PARM1: variants seen among roughly 807,000 people sequenced by gnomAD.
The protein encoded by PARM1 is WSC4, cell wall integrity and stress response component 4 homolog.
PARM1 carries 14 observed loss-of-function variants against 24.6 expected under a neutral mutation model. That is an observed-to-expected ratio of 0.57 (90% CI 0.38 to 0.89). The LOEUF is 0.89. Ranked by LOEUF, PARM1 falls within the 40% of genes least tolerant of loss-of-function variation. The pLI, the probability that PARM1 is intolerant of heterozygous loss-of-function variation, is 0.00. For missense variants in PARM1, 362 were observed against 380.4 expected (o/e 0.95, Z 0.40); for synonymous variants, 179 against 156.6 (o/e 1.14, Z -1.07).
At chr4:75,020,009 CAAAAAAAAAAAAAAAA>C (rs1161399344) in intron 2 of PARM1, among the ~76,000 whole-genome samples, 4 of 31,046 alleles carry the variant, frequency 1.3e-4, no homozygotes, top group Non-Finnish European at 3.4e-4. Context: ...GACTCCGTCT[CAAAAAAAAAAAAAAAA>C]AAAAAAAAAA....
At chr4:74,958,017 C>T (rs1476993196) in intron 1 of PARM1, among the ~76,000 whole-genome samples, 1 of 152,168 alleles carries the variant, frequency 6.6e-6, no homozygotes, top group East Asian at 1.9e-4. Flanking sequence ...TGGCAGACTA[C>T]TCATAGAGAG....
intron 1 of PARM1, among the ~76,000 whole-genome samples, chr4:74,949,400 G>A (rs1377466197): frequency 6.6e-6 from 1 of 152,096 alleles, no homozygotes; most frequent in African/African-American, 2.4e-5. Flanking sequence ...CTCACTGCAA[G>A]CTCCGCCTCC....
chr4:74,994,083 G>C (rs1030878016), intron 1 of PARM1: 1 of 152,126 alleles, frequency 6.6e-6, no homozygotes, highest in Non-Finnish European at 1.5e-5. Context: ...AATTAAAGTG[G>C]AGTACAGTAG....
At chr4:74,982,846 T>C (rs1052038332) in intron 1 of PARM1, among the ~76,000 whole-genome samples, 11 of 152,236 alleles carry the variant, frequency 7.2e-5, no homozygotes, top group Admixed American at 5.9e-4. Flanking sequence ...TCTTTTTATA[T>C]GCAAAATCAT....
chr4:74,996,313 C>A (rs1408322170), intron 1 of PARM1, among the ~76,000 whole-genome samples: 1 of 152,150 alleles, frequency 6.6e-6, no homozygotes, highest in Non-Finnish European at 1.5e-5. Context: ...CAACAATTAG[C>A]ATGGTACCTG....
At chr4:74,986,522 G>A (rs1722358259) in intron 1 of PARM1, among the ~76,000 whole-genome samples, 1 of 152,186 alleles carries the variant, frequency 6.6e-6, no homozygotes, top group African/African-American at 2.4e-5. Context: ...AGAAACAGGT[G>A]CAGAGAGGCA....
chr4:74,977,607 T>C (rs1481838517), intron 1 of PARM1, among the ~76,000 whole-genome samples: 1 of 152,108 alleles, frequency 6.6e-6, no homozygotes, highest in African/African-American at 2.4e-5. Flanking sequence ...ATCCTGGAAA[T>C]TCAGAGAACC....
intron 1 of PARM1, among the ~76,000 whole-genome samples, chr4:74,972,727 A>G (rs1269046779): frequency 2.0e-5 from 3 of 152,230 alleles, no homozygotes; most frequent in Non-Finnish European, 4.4e-5. Context: ...AAGTAACATA[A>G]GCTCAATCTG....
At chr4:75,032,459 G>A (rs1216505264) in intron 2 of PARM1, among the ~76,000 whole-genome samples, 3 of 152,034 alleles carry the variant, frequency 2.0e-5, no homozygotes, top group Non-Finnish European at 4.4e-5. Flanking sequence ...CATACCAGCA[G>A]ACAAAAATAA....
intron 2 of PARM1, among the ~76,000 whole-genome samples, chr4:75,031,315 T>C (rs1055558614): frequency 1.3e-5 from 2 of 152,236 alleles, no homozygotes; most frequent in Non-Finnish European, 2.9e-5. Context: ...TATTGGGCTG[T>C]ACAAACTCTT....
intron 1 of PARM1, among the ~76,000 whole-genome samples, chr4:74,965,977 C>T (rs1365784696): frequency 5.3e-5 from 8 of 152,220 alleles, no homozygotes; most frequent in Admixed American, 4.6e-4. Context: ...TAATAGCCAT[C>T]TACCAATGTT....
chr4:74,950,985 G>A (rs1459759593), intron 1 of PARM1, among the ~76,000 whole-genome samples: 2 of 152,162 alleles, frequency 1.3e-5, no homozygotes, highest in African/African-American at 4.8e-5. Flanking sequence ...GGGAGGAAAT[G>A]CCATCACACA....
chr4:75,040,783 A>G (rs1234279638), intron 3 of PARM1, among the ~76,000 whole-genome samples: 1 of 152,156 alleles, frequency 6.6e-6, no homozygotes, highest in African/African-American at 2.4e-5. Context: ...ATTTTTTTTA[A>G]ATTATGACTC....
intron 3 of PARM1, among the ~76,000 whole-genome samples, chr4:75,042,064 T>C (rs1207959185): frequency 1.3e-5 from 2 of 152,208 alleles, no homozygotes; most frequent in Non-Finnish European, 2.9e-5. Context: ...ATGTTTTCAT[T>C]TTTCCAATTA....
At chr4:75,006,176 G>A (rs1287623502) in intron 1 of PARM1, among the ~76,000 whole-genome samples, 1 of 152,100 alleles carries the variant, frequency 6.6e-6, no homozygotes, top group Non-Finnish European at 1.5e-5. Context: ...AAGTTGTAGG[G>A]TACATGTGCA....
intron 1 of PARM1, among the ~76,000 whole-genome samples, chr4:74,988,785 A>G (rs533041477): frequency 6.6e-6 from 1 of 152,340 alleles, no homozygotes; most frequent in East Asian, 1.9e-4. Flanking sequence ...GCTAGACCTT[A>G]AAGTCCCAAT....
chr4:74,939,498 T>C (rs1408890457), intron 1 of PARM1, among the ~76,000 whole-genome samples: 1 of 152,184 alleles, frequency 6.6e-6, no homozygotes, highest in African/African-American at 2.4e-5. Flanking sequence ...GGGCTGGGAC[T>C]CGAAGCCTTC....
At chr4:75,033,720 T>A (rs187476585) in intron 2 of PARM1, among the ~76,000 whole-genome samples, 163 bp from the exon 3 acceptor site, 1 of 152,196 alleles carries the variant, frequency 6.6e-6, no homozygotes, top group Non-Finnish European at 1.5e-5. Context: ...AAATCCTGGG[T>A]TTTATTCTAG....
rs1267953993 is a variant in PARM1 at position 75,048,825 on chromosome 4, T to C, written c.*2578T>C. 3 of 152,602 alleles carry C rather than the reference T, an allele frequency of 2.0e-5. No individual in the cohort carries two copies. The highest frequency in any genetic ancestry group is 4.4e-5 in the Non-Finnish European group (3 of 68,038). 9.5% of individuals were successfully genotyped at this position (152,602 alleles called of 1,614,324 possible). ...AGCTTCCCATAACAATTCTAACACT[T>C]CTTATCTTATGTGAGAATAAAATAT... On this transcript the variant is annotated 3_prime_UTR_variant, in exon 4 of 4. Transcript: ENST00000307428.
Sources: gnomAD v4.1 joint callset for allele counts (sites outside exome capture counted in the v4.1 genomes callset) on GRCh38, gnomAD v4.1.1 for gene constraint, MANE v1.5 for transcripts, NCBI Gene and HGNC (gene_info 2026-07-23, HGNC 2026-07-21) for gene names.